RICTOR: variants seen among roughly 807,000 people sequenced by gnomAD.
RICTOR encodes rapamycin-insensitive companion of mTOR.
RICTOR carries 49 observed loss-of-function variants against 214.9 expected under a neutral mutation model. That is an observed-to-expected ratio of 0.23 (90% confidence interval 0.18 to 0.29). The LOEUF (loss-of-function observed/expected upper bound fraction) is 0.29, where lower values mean the gene tolerates loss of function less well. RICTOR is among the 10% of genes least tolerant of loss of function. The pLI, the probability that RICTOR is intolerant of heterozygous loss-of-function variation, is 1.00. For missense variants in RICTOR, 1,625 were observed against 2,047.0 expected (o/e 0.79, Z 3.98); for synonymous variants, 717 against 711.3 (o/e 1.01, Z -0.13).
intron 2 of RICTOR, among the ~76,000 whole-genome samples, chr5:39,034,638 G>A (rs1756528149): frequency 6.6e-6 from 1 of 152,222 alleles, no homozygotes; most frequent in Non-Finnish European, 1.5e-5. Context: ...TGTTCCAATG[G>A]GCTTAACAAA....
chr5:38,971,324 G>C (rs1750761375), intron 11 of RICTOR: 1 of 151,504 alleles, frequency 6.6e-6, no homozygotes, highest in South Asian at 2.1e-4. Context: ...GAGCCACCAT[G>C]TCCGGCCTCA....
At chr5:38,967,892 T>C in intron 12 of RICTOR, 51 bp downstream of exon 12, 1 of 916,546 alleles carries the variant, frequency 1.1e-6, no homozygotes, top group Non-Finnish European at 1.8e-6. Context: ...CTGTCTCCAT[T>C]AAATAAAAAT....
intron 5 of RICTOR, 133 bp downstream of exon 5, chr5:39,002,400 GTA>G (rs1208545056): frequency 0.024 from 8,287 of 342,722 alleles, 1 homozygote; most frequent in Admixed American, 0.038. Context: ...GTGTGTGTGT[GTA>G]TATATATATA....
At chr5:38,990,695 T>TATATATG in intron 7 of RICTOR, among the ~76,000 whole-genome samples, 1 of 130,900 alleles carries the variant, frequency 7.6e-6, no homozygotes, top group Non-Finnish European at 1.6e-5. Context: ...ATATATATGA[T>TATATATG]ATATATCAGA....
rs766546661 is a variant in RICTOR at position 38,978,654 on chromosome 5, T to C, written c.754-4A>G. The stretch of plus-strand genomic sequence containing the variant: ...CAGTATAGGGTGCTAAAATTCTCTA[T>C]TTAAAAAAAAAAAGGAAGAAAAGAG... On this transcript the variant is annotated splice_region_variant and splice_polypyrimidine_tract_variant and intron_variant, in intron 8 of 37. Coordinates refer to ENST00000357387, the MANE Select transcript of RICTOR (RefSeq NM_152756.5). 1 of 1,447,530 alleles carries C rather than the reference T, an allele frequency of 6.9e-7. No individual in the cohort carries two copies. The highest frequency in any genetic ancestry group is 1.2e-5 in the South Asian group (1 of 82,704). The allele number at this position is 1,447,530 out of a possible 1,614,324, so 89.7% of individuals were successfully genotyped here.
intron 3 of RICTOR, among the ~76,000 whole-genome samples, chr5:39,012,225 G>C (rs376488255): frequency 5.7e-4 from 86 of 152,182 alleles, no homozygotes; most frequent in Middle Eastern, 3.4e-3. Flanking sequence ...CCCTTAAAAA[G>C]TCCTCTGAGA....
At chr5:39,046,062 A>AATAAATGC (rs1301101401) in intron 2 of RICTOR, among the ~76,000 whole-genome samples, 6 of 150,882 alleles carry the variant, frequency 4.0e-5, no homozygotes, top group Admixed American at 1.3e-4. Context: ...TAAATAAATA[A>AATAAATGC]ATGCTGGCCA....
chr5:38,976,541 G>A (rs1474791447), intron 9 of RICTOR, among the ~76,000 whole-genome samples: 1 of 152,126 alleles, frequency 6.6e-6, no homozygotes, highest in African/African-American at 2.4e-5. Flanking sequence ...TGAAAATGGG[G>A]GCGGGGGTGG....
At chr5:38,982,176 A>T in intron 7 of RICTOR, 140 bp from the exon 8 acceptor site, 1 of 605,368 alleles carries the variant, frequency 1.7e-6, no homozygotes, top group South Asian at 2.2e-5. Flanking sequence ...AGATAAAAGG[A>T]CAAGTGGAAA....
At chr5:38,990,544 A>G (rs1175541006) in intron 7 of RICTOR, among the ~76,000 whole-genome samples, 2 of 141,944 alleles carry the variant, frequency 1.4e-5, no homozygotes, top group African/African-American at 5.7e-5. Flanking sequence ...TACGATATAT[A>G]CACGATATAC....
chr5:38,972,183 T>C (rs997015550), intron 10 of RICTOR, among the ~76,000 whole-genome samples: 3 of 152,248 alleles, frequency 2.0e-5, no homozygotes, highest in African/African-American at 7.2e-5. Context: ...TTAAATTCCA[T>C]CTTCAGTATC....
At chr5:38,960,264 C>A in intron 20 of RICTOR, 134 bp downstream of exon 20, 1 of 904,834 alleles carries the variant, frequency 1.1e-6, no homozygotes, top group Non-Finnish European at 1.7e-6. Context: ...GGTCTGGGAT[C>A]ATTTCTTATG....
In RICTOR at chr5:39,016,175, G is replaced by T. The variant is rs140337120; in HGVS notation, c.195+4864C>A. Among the ~76,000 whole-genome samples the T allele has an allele frequency of 5.0e-3, 759 of 152,174 alleles. 11 individuals carry two copies. The highest frequency in any genetic ancestry group is 0.018 in the African/African-American group (728 of 41,522). On this transcript the variant is annotated intron_variant, in intron 3 of 37. Transcript: ENST00000357387. ...GGGCTGCTACAAAGCTTGCACCAAGGCCAGAGGGATATATGAAAATCATTT... is the reference window on the plus strand; with the variant it reads ...GGGCTGCTACAAAGCTTGCACCAAGTCCAGAGGGATATATGAAAATCATTT...
intron 2 of RICTOR, chr5:39,022,301 A>G (rs936814023): frequency 6.6e-6 from 1 of 152,356 alleles, no homozygotes; most frequent in East Asian, 1.9e-4. Flanking sequence ...GCTGCTTAAC[A>G]TATGTGTAAC....
chr5:39,003,108 C>G (rs1407015101), intron 4 of RICTOR, among the ~76,000 whole-genome samples: 4 of 152,082 alleles, frequency 2.6e-5, no homozygotes. Flanking sequence ...ATAGCAGGCA[C>G]AGACCTTTTA....
At chr5:38,966,453 G>A (rs574977895) in intron 15 of RICTOR, among the ~76,000 whole-genome samples, 188 bp downstream of exon 15, 6 of 149,356 alleles carry the variant, frequency 4.0e-5, no homozygotes, top group South Asian at 2.1e-4. Flanking sequence ...ATGTGCATGC[G>A]CATGCGCGCA....
At chr5:38,942,787 G>C (rs1202942095) in intron 37 of RICTOR, 46 bp downstream of exon 37, 2 of 1,442,124 alleles carry the variant, frequency 1.4e-6, no homozygotes, top group Admixed American at 1.7e-5. Context: ...TTCAAACACA[G>C]AATTATTCTT....
chr5:38,945,621 A>T lies in RICTOR; in HGVS notation c.4503T>A (p.Ser1501=). The T allele has an allele frequency of 6.2e-7, 1 of 1,613,722 alleles. No individual in the cohort carries two copies. Among genetic ancestry groups the T allele is most frequent in the Non-Finnish European group, 8.5e-7 (1 of 1,179,598 alleles). ...EIMNSIHSDA[S]LFLESTEDTG... Reference sequence around the variant, plus strand: ...TGTCTTCTGTACTTTCTAAAAACAGAGAGGCATCTGAATGGATTGAATTCA... The same window carrying T: ...TGTCTTCTGTACTTTCTAAAAACAGTGAGGCATCTGAATGGATTGAATTCA... The change falls in exon 34 of 38, where the codon TCT becomes TCA. Residue 1501 remains serine, a synonymous_variant. Coordinates refer to ENST00000357387, the MANE Select transcript of RICTOR (RefSeq NM_152756.5).
chr5:38,990,485 T>C (rs543713057), intron 7 of RICTOR, among the ~76,000 whole-genome samples: 1 of 94,768 alleles, frequency 1.1e-5, no homozygotes, highest in Non-Finnish European at 2.3e-5. Flanking sequence ...AAGTATAATT[T>C]AAAAAAATAC....
Sources: gnomAD v4.1 joint callset for allele counts (sites outside exome capture counted in the v4.1 genomes callset) on GRCh38, gnomAD v4.1.1 for gene constraint, MANE v1.5 for transcripts, NCBI Gene and HGNC (gene_info 2026-07-23, HGNC 2026-07-21) for gene names.